SOX30: variants seen among roughly 807,000 people sequenced by gnomAD.
SOX30 encodes SRY-box transcription factor 30.
In SOX30, 17 loss-of-function variants were observed where a neutral mutation model predicts 58.6. That is an observed-to-expected ratio of 0.29 (90% CI 0.20 to 0.44). The LOEUF is 0.44. Among genes scored for constraint, SOX30 ranks in the 20% least tolerant of loss-of-function variants. SOX30 has a pLI of 1.00. For missense variants in SOX30, 951 were observed against 965.8 expected (o/e 0.98, Z 0.20); for synonymous variants, 421 against 400.2 (o/e 1.05, Z -0.62).
At chr5:157,653,429 T>C (rs1759410781), upstream of SOX30, among the ~76,000 whole-genome samples, 1 of 152,208 alleles carries the variant, frequency 6.6e-6, no homozygotes, top group Admixed American at 6.5e-5. Context: ...CCATTGAGCC[T>C]GGCATATAGT....
chr5:157,639,318 G>T (rs1468218532), intron 3 of SOX30, among the ~76,000 whole-genome samples: 1 of 151,808 alleles, frequency 6.6e-6, no homozygotes, highest in East Asian at 1.9e-4. Context: ...ATTACTAGGG[G>T]TTTCAGAGTA....
intron 2 of SOX30, among the ~76,000 whole-genome samples, chr5:157,647,061 A>ATTT (rs33962778): frequency 3.0e-5 from 4 of 134,518 alleles, no homozygotes; most frequent in Non-Finnish European, 3.1e-5. Context: ...AGAGGGTCAA[A>ATTT]TTTTTTTTTT....
intron 1 of SOX30, among the ~76,000 whole-genome samples, chr5:157,669,525 T>TATTC (rs1017786456): frequency 1.3e-5 from 2 of 148,504 alleles, no homozygotes; most frequent in African/African-American, 5.0e-5. Flanking sequence ...TTTATTTATT[T>TATTC]ATTTATCTGA....
At chr5:157,627,777 A>G (rs1410465251) in intron 4 of SOX30, among the ~76,000 whole-genome samples, 1 of 151,972 alleles carries the variant, frequency 6.6e-6, no homozygotes, top group Non-Finnish European at 1.5e-5. Context: ...GGCGGATCAC[A>G]AGGTCAGGAG....
intron 2 of SOX30, among the ~76,000 whole-genome samples, chr5:157,658,682 G>T (rs535774210): frequency 2.0e-4 from 30 of 152,256 alleles, no homozygotes; most frequent in African/African-American, 7.2e-4. Flanking sequence ...ACAGAAGATG[G>T]ATTTTCAACC....
chr5:157,640,215 T>C (rs913101090), intron 3 of SOX30, among the ~76,000 whole-genome samples: 4 of 152,256 alleles, frequency 2.6e-5, no homozygotes, highest in African/African-American at 4.8e-5. Context: ...AACTGGGAGA[T>C]TGAGAGCAGG....
intron 4 of SOX30, among the ~76,000 whole-genome samples, chr5:157,631,058 T>TACA: frequency 1.0e-4 from 5 of 49,056 alleles, no homozygotes; most frequent in African/African-American, 3.3e-4. Flanking sequence ...TATATATATA[T>TACA]ATATATATAT....
chr5:157,647,447 T>C (rs1759220621), intron 2 of SOX30, among the ~76,000 whole-genome samples: 1 of 150,184 alleles, frequency 6.7e-6, no homozygotes, highest in Non-Finnish European at 1.5e-5. Context: ...CCCAAAGCCT[T>C]TCCTCCACCT....
chr5:157,626,384 C>A lies in SOX30; in HGVS notation c.2218G>T (p.Asp740Tyr). The change falls in exon 5 of 5, where the codon GAC (aspartate) becomes TAC (tyrosine). Residue 740 changes from aspartate to tyrosine, a missense_variant. Physicochemically the swap from Asp to Tyr is radical, Grantham distance 160 (BLOSUM62 -3). Transcript: ENST00000265007. ...TTTTCTTCTTCCTCCTCATCACTGT[C>A]GGTGACATTGACTTGCTGGATGCTA... ...PSSIQQVNVT[D>Y]SDEEEEEKVL... The A allele has an allele frequency of 6.2e-7, 1 of 1,613,682 alleles. No homozygotes were observed. Among genetic ancestry groups the A allele is most frequent in the Non-Finnish European group, 8.5e-7 (1 of 1,179,714 alleles).
At chr5:157,631,729 C>T (rs1260863292) in intron 4 of SOX30, among the ~76,000 whole-genome samples, 4 of 147,568 alleles carry the variant, frequency 2.7e-5, no homozygotes, top group African/African-American at 7.6e-5. Flanking sequence ...CGTGCCACTG[C>T]ACTCCAGCCT....
chr5:157,667,585 T>C (rs1473700606), intron 2 of SOX30, among the ~76,000 whole-genome samples: 2 of 152,040 alleles, frequency 1.3e-5, no homozygotes, highest in Non-Finnish European at 2.9e-5. Flanking sequence ...AATACAAAAA[T>C]TAGCCGGATG....
chr5:157,651,900 G>C lies in SOX30; in HGVS notation c.179C>G (p.Ala60Gly). The change falls in exon 1 of 5, where the codon GCG (alanine) becomes GGG (glycine). Residue 60 changes from alanine to glycine, a missense_variant. Ala to Gly is a moderately conservative substitution (Grantham distance 60). Around this residue, in one of 7 missense-constraint regions of SOX30, gnomAD observed 363 missense variants for 294.5 expected, o/e 1.23. Transcript: ENST00000265007. ...TLASSCGEAV[A>G]SGLQPAVRRL... Reference sequence around the variant, plus strand: ...CCGCACCGCGGGCTGTAAGCCGGACGCCACTGCCTCCCCGCACGACGAGGC... The same window carrying C: ...CCGCACCGCGGGCTGTAAGCCGGACCCCACTGCCTCCCCGCACGACGAGGC... 2.0e-6 allele frequency: 3 copies of C among 1,529,548 alleles called. No homozygotes were observed. The highest frequency in any genetic ancestry group is 2.7e-5 in the African/African-American group (2 of 73,188). The allele number at this position is 1,529,548 out of a possible 1,614,324, so 94.7% of individuals were successfully genotyped here.
At chr5:157,663,248 T>C (rs1244836440) in intron 2 of SOX30, among the ~76,000 whole-genome samples, 1 of 152,156 alleles carries the variant, frequency 6.6e-6, no homozygotes, top group Non-Finnish European at 1.5e-5. Flanking sequence ...AAAAAGCTTA[T>C]CCACCACGAT....
intron 3 of SOX30, among the ~76,000 whole-genome samples, chr5:157,641,682 T>C (rs1759065763): frequency 6.6e-6 from 1 of 152,192 alleles, no homozygotes; most frequent in South Asian, 2.1e-4. Flanking sequence ...GTTATATTTA[T>C]ATCTATACTT....
intron 3 of SOX30, among the ~76,000 whole-genome samples, chr5:157,642,614 TCA>T (rs1384658169): frequency 4.6e-5 from 7 of 151,954 alleles, no homozygotes; most frequent in Non-Finnish European, 1.0e-4. Context: ...TGCCTCAAAG[TCA>T]CAGTTACTAT....
At chr5:157,656,331 AAAAT>A (rs1199818126), upstream of SOX30, among the ~76,000 whole-genome samples, 2 of 152,194 alleles carry the variant, frequency 1.3e-5, no homozygotes, top group Non-Finnish European at 2.9e-5. Context: ...GATTATTGGT[AAAAT>A]AAAAATATCT....
intron 1 of SOX30, chr5:157,667,914 A>G (rs1759702257): frequency 2.7e-6 from 4 of 1,490,478 alleles, no homozygotes; most frequent in Non-Finnish European, 3.6e-6. Flanking sequence ...GGCATTTTAT[A>G]TCTTACCTCA....
chr5:157,657,503 A>G (rs1561589018), intron 2 of SOX30, among the ~76,000 whole-genome samples: 3 of 152,218 alleles, frequency 2.0e-5, no homozygotes, highest in Non-Finnish European at 4.4e-5. Flanking sequence ...ATAAAGGAAA[A>G]CACTTTCAGA....
In SOX30 at chr5:157,628,509, T is replaced by C. The variant is rs886597505; in HGVS notation, c.1881-1788A>G. The stretch of plus-strand genomic sequence containing the variant: ...TATGCCCTACCCCCAAATCTTCAAG[T>C]GCTAGGTACCTTGCTCATGTTAATT... On this transcript the variant is annotated intron_variant, in intron 4 of 4. Transcript: ENST00000265007. Among the ~76,000 whole-genome samples, 10 of 152,168 alleles carry C rather than the reference T, an allele frequency of 6.6e-5. No individual in the cohort carries two copies. The Middle Eastern group carries it at 0.01, about 155-fold the overall frequency.
Sources: allele counts gnomAD v4.1 joint callset (sites outside exome capture counted in the v4.1 genomes callset), GRCh38; gene constraint gnomAD v4.1.1; regional missense constraint gnomAD v4.1.1; transcripts MANE v1.5; gene names NCBI Gene and HGNC (gene_info 2026-07-23, HGNC 2026-07-21).